The following TOR1AIP2 variants were observed in gnomAD, a reference collection of about 807,000 sequenced individuals.
TOR1AIP2 encodes the protein torsin 1A interacting protein 2.
TOR1AIP2 carries 20 observed loss-of-function variants against 32.6 expected under a neutral mutation model. That is an observed-to-expected ratio of 0.61 (90% CI 0.43 to 0.89). TOR1AIP2 has a LOEUF of 0.89. Ranked by LOEUF, TOR1AIP2 falls within the 40% of genes least tolerant of loss-of-function variation. TOR1AIP2 has a pLI of 0.00. For missense variants in TOR1AIP2, 456 were observed against 553.8 expected (o/e 0.82, Z 1.77); for synonymous variants, 214 against 210.8 (o/e 1.02, Z -0.13).
chr1:179,845,743 T>C lies in TOR1AIP2; in HGVS notation c.*328A>G, dbSNP rs1040775238. On this transcript the variant is annotated 3_prime_UTR_variant, in exon 7 of 7. Transcript: ENST00000609928. ...TCAAGAAAAAAAAAAAATCACTCTGTAGTTACTCTAAGAAGTAAGAGTATC... is the reference window on the plus strand; with the variant it reads ...TCAAGAAAAAAAAAAAATCACTCTGCAGTTACTCTAAGAAGTAAGAGTATC... 1.4e-4 allele frequency: 27 copies of C among 196,478 alleles called. No individual in the cohort carries two copies. Among genetic ancestry groups the C allele is most frequent in the Non-Finnish European group, 1.1e-4 (11 of 97,782 alleles). The allele number at this position is 196,478 out of a possible 1,614,324, so 12.2% of individuals were successfully genotyped here. A position where few individuals can be genotyped will look rare whatever the true frequency, so the allele number is the denominator to read the frequency against.
In TOR1AIP2 at chr1:179,852,713, T is replaced by G; in HGVS notation, c.-48A>C. The G allele has an allele frequency of 6.2e-7, 1 of 1,613,272 alleles. No individual in the cohort carries two copies. Among genetic ancestry groups the G allele is most frequent in the African/African-American group, 1.3e-5 (1 of 75,012 alleles). On this transcript the variant is annotated 5_prime_UTR_variant, in exon 4 of 7. Coordinates refer to ENST00000609928, the MANE Select transcript of TOR1AIP2 (RefSeq NM_001199260.2). ...GTTGGGAGGATACTTTTTTTAGTAC[T>G]TGGTTTTCCTTGTGAAGATGTCTTG...
At chr1:179,862,405 A>G (rs935229026) in intron 3 of TOR1AIP2, 21 of 983,222 alleles carry the variant, frequency 2.1e-5, no homozygotes, top group Non-Finnish European at 2.5e-5. Flanking sequence ...ATTCTTCATT[A>G]AAGAGTTAGT....
intron 3 of TOR1AIP2, chr1:179,862,461 A>G: frequency 1.0e-6 from 1 of 985,454 alleles, no homozygotes; most frequent in African/African-American, 1.7e-5. Context: ...CACATAGTTT[A>G]TTCAGCAATA....
chr1:179,865,265 G>T, intron 3 of TOR1AIP2, 171 bp downstream of exon 3: 1 of 1,458,640 alleles, frequency 6.9e-7, no homozygotes. Flanking sequence ...TCCTATTACA[G>T]GTTTCGTTTA....
At chr1:179,863,706 G>T in intron 3 of TOR1AIP2, 1 of 963,996 alleles carries the variant, frequency 1.0e-6, no homozygotes, top group Non-Finnish European at 1.2e-6. Context: ...AAAGAGGATC[G>T]CAAGGGGGAA....
Position 179,877,264 on chromosome 1 carries a change from G to C in TOR1AIP2, c.-591C>G, listed in dbSNP as rs1415895264. 2.0e-5 allele frequency: 3 copies of C among 152,342 alleles called. No homozygotes were observed. Among genetic ancestry groups the C allele is most frequent in the Non-Finnish European group, 2.9e-5 (2 of 68,180 alleles). The allele number at this position is 152,342 out of a possible 1,614,324, so 9.4% of individuals were successfully genotyped here. A position where few individuals can be genotyped will look rare whatever the true frequency, so the allele number is the denominator to read the frequency against. ...CTCGTTTACTGTTTGAGTGAGGCCA[G>C]GCGTGGTGGCTCACGCCTGTAATCC... On this transcript the variant is annotated 5_prime_UTR_variant, in exon 2 of 7. Coordinates refer to ENST00000609928, the MANE Select transcript of TOR1AIP2 (RefSeq NM_001199260.2).
At chr1:179,850,797 T>A in intron 5 of TOR1AIP2, 48 bp downstream of exon 5, 1 of 1,559,702 alleles carries the variant, frequency 6.4e-7, no homozygotes, top group East Asian at 2.3e-5. Context: ...GTGTTCTCAG[T>A]TAACAGAGCA....
In TOR1AIP2 at chr1:179,842,913, G is replaced by A. The variant is rs922088318; in HGVS notation, c.*3158C>T. On this transcript the variant is annotated 3_prime_UTR_variant, in exon 7 of 7. Coordinates refer to ENST00000609928, the MANE Select transcript of TOR1AIP2 (RefSeq NM_001199260.2). ...TTTTTTTAAAAATTAGCCAGGTGTC[G>A]GGGCGGGCACCTGTAGTCCCAGCTA... 1 of 151,736 alleles carries A rather than the reference G, an allele frequency of 6.6e-6. No individual in the cohort carries two copies. The highest frequency in any genetic ancestry group is 2.4e-5 in the African/African-American group (1 of 41,336). The allele number at this position is 151,736 out of a possible 1,614,324, so 9.4% of individuals were successfully genotyped here.
At chr1:179,876,075 T>C (rs1571709935) in intron 2 of TOR1AIP2, 1 of 152,330 alleles carries the variant, frequency 6.6e-6, no homozygotes, top group South Asian at 2.1e-4. Context: ...GCCTTCACAG[T>C]TGACTTAGTG....
chr1:179,849,829 G>T (rs2148426818), intron 5 of TOR1AIP2, among the ~76,000 whole-genome samples: 1 of 152,342 alleles, frequency 6.6e-6, no homozygotes. Context: ...AATTCATAAA[G>T]GTGTTTCTAT....
At chr1:179,851,531 C>A (rs904098763) in intron 4 of TOR1AIP2, among the ~76,000 whole-genome samples, 168 bp from the exon 5 acceptor site, 21 of 151,756 alleles carry the variant, frequency 1.4e-4, no homozygotes, top group African/African-American at 3.4e-4. Flanking sequence ...AAAACAACAA[C>A]AAAAAAAATC....
Position 179,843,252 on chromosome 1 carries a change from T to A in TOR1AIP2, c.*2819A>T, listed in dbSNP as rs1293493706. 2.0e-5 allele frequency: 3 copies of A among 151,996 alleles called. No homozygotes were observed. The highest frequency in any genetic ancestry group is 7.2e-5 in the African/African-American group (3 of 41,422). 9.4% of individuals were successfully genotyped at this position (151,996 alleles called of 1,614,324 possible). A position where few individuals can be genotyped will look rare whatever the true frequency, so the allele number is the denominator to read the frequency against. On this transcript the variant is annotated 3_prime_UTR_variant, in exon 7 of 7. Coordinates refer to ENST00000609928, the MANE Select transcript of TOR1AIP2 (RefSeq NM_001199260.2). ...CAGGTGCAGTGGCTCGTGCCTATAA[T>A]CCTAGCACTTTGAAAGACCAAGGCA...
intron 3 of TOR1AIP2, 98 bp from the exon 4 acceptor site, chr1:179,852,909 T>C: frequency 2.2e-6 from 2 of 927,822 alleles, no homozygotes; most frequent in Non-Finnish European, 1.4e-6. Context: ...GCTTGAGTAC[T>C]ATTTCCTCTG....
chr1:179,872,086 A>C (rs1268545670), intron 2 of TOR1AIP2, among the ~76,000 whole-genome samples: 2 of 152,208 alleles, frequency 1.3e-5, no homozygotes, highest in Non-Finnish European at 2.9e-5. Flanking sequence ...AATAAAAAAT[A>C]TTACCCAAGG....
At chr1:179,873,674 G>A (rs1350478696) in intron 2 of TOR1AIP2, 1 of 152,122 alleles carries the variant, frequency 6.6e-6, no homozygotes, top group Non-Finnish European at 1.5e-5. Context: ...CCCTAATGGT[G>A]GTTTTGTATT....
rs982381353 is a variant in TOR1AIP2 at position 179,844,532 on chromosome 1, G to A, written c.*1539C>T. ...AATGGAACAGACCCTTTGTTAGGTC[G>A]AGATCATTTTACTAGAGTTCTGCTT... On this transcript the variant is annotated 3_prime_UTR_variant, in exon 7 of 7. Coordinates refer to ENST00000609928, the MANE Select transcript of TOR1AIP2 (RefSeq NM_001199260.2). 2.6e-5 allele frequency: 4 copies of A among 152,270 alleles called. No individual in the cohort carries two copies. The highest frequency in any genetic ancestry group is 9.6e-5 in the African/African-American group (4 of 41,554). 9.4% of individuals were successfully genotyped at this position (152,270 alleles called of 1,614,324 possible). A position where few individuals can be genotyped will look rare whatever the true frequency, so the allele number is the denominator to read the frequency against.
chr1:179,861,613 A>C, intron 3 of TOR1AIP2: 1 of 985,432 alleles, frequency 1.0e-6, no homozygotes, highest in Non-Finnish European at 1.2e-6. Context: ...TAGTTTAATT[A>C]ATGAGAAAAA....
Position 179,850,884 on chromosome 1 carries a change from C to G in TOR1AIP2, c.514G>C (p.Glu172Gln). 6.2e-7 allele frequency: 1 copy of G among 1,614,092 alleles called. No individual in the cohort carries two copies. Among genetic ancestry groups the G allele is most frequent in the Non-Finnish European group, 8.5e-7 (1 of 1,179,940 alleles). Residue 172 changes from glutamate (E) to glutamine (Q), a missense_variant, in exon 5 of 7, where the codon GAG (glutamate) becomes CAG (glutamine). Transcript: ENST00000609928. The part of the protein sequence containing the change: ...QSPGHSSAGQ[E>Q]GEDTLRRRLL... ...CGCCTCCTCAGTGTATCCTCACCCTCTTGCCCTGCACTGGAATGACCAGGA... is the reference window on the plus strand; with the variant it reads ...CGCCTCCTCAGTGTATCCTCACCCTGTTGCCCTGCACTGGAATGACCAGGA...
chr1:179,861,781 C>T (rs1329878878), intron 3 of TOR1AIP2: 1 of 985,224 alleles, frequency 1.0e-6, no homozygotes, highest in African/African-American at 1.7e-5. Flanking sequence ...ACACTATGGA[C>T]ATATTACTAC....
Sources: gnomAD v4.1 joint callset for allele counts (sites outside exome capture counted in the v4.1 genomes callset) on GRCh38, gnomAD v4.1.1 for gene constraint, MANE v1.5 for transcripts, NCBI Gene and HGNC (gene_info 2026-07-23, HGNC 2026-07-21) for gene names.